Variants in CEP68 observed in about 807,000 individuals in gnomAD.
The protein encoded by CEP68 is centrosomal protein 68, also known as centrosomal protein of 68 kDa.
In CEP68, 26 loss-of-function variants were observed where a neutral mutation model predicts 55.3. The observed-to-expected ratio is 0.47, with a 90% confidence interval of 0.34 to 0.65. CEP68 has a LOEUF of 0.65. CEP68 is among the 30% of genes least tolerant of loss of function. CEP68 has a pLI of 0.01. For missense variants in CEP68, 957 were observed against 946.7 expected (o/e 1.01, Z -0.14); for synonymous variants, 402 against 383.2 (o/e 1.05, Z -0.57).
intron 1 of CEP68, among the ~76,000 whole-genome samples, chr2:65,063,412 C>T (rs1676006085): frequency 6.6e-6 from 1 of 152,260 alleles, no homozygotes; most frequent in Non-Finnish European, 1.5e-5. Flanking sequence ...CGACGGGGGC[C>T]TGTGCCCCAT....
intron 1 of CEP68, among the ~76,000 whole-genome samples, chr2:65,067,398 T>C (rs6546122): frequency 0.069 from 10,459 of 151,532 alleles, 480 homozygotes; most frequent in Non-Finnish European, 0.1. Flanking sequence ...GGAACAAAAG[T>C]GGGGGAAGGA....
At chr2:65,081,403 C>A (rs1041935614) in intron 5 of CEP68, among the ~76,000 whole-genome samples, 10 of 147,880 alleles carry the variant, frequency 6.8e-5, no homozygotes, top group Non-Finnish European at 8.9e-5. Flanking sequence ...TGTGTTCCTT[C>A]TCCTTCTACT....
chr2:65,066,745 A>AATATATAT (rs1553384179), intron 1 of CEP68, among the ~76,000 whole-genome samples: 69 of 58,390 alleles, frequency 1.2e-3, no homozygotes, highest in Middle Eastern at 0.017. Flanking sequence ...AAAAAAAAAA[A>AATATATAT]ATATATATAT....
At position 65,056,512 on chromosome 2, in the gene CEP68, C is replaced by G. The variant is rs1043275130; in HGVS notation, c.-63C>G. ...CTGAGACCGCTCCGGACGTGCGAAGCGTTCGCGGTGCGGTAGGTAGGCAGT... is the reference window on the plus strand; with the variant it reads ...CTGAGACCGCTCCGGACGTGCGAAGGGTTCGCGGTGCGGTAGGTAGGCAGT... On this transcript the variant is annotated 5_prime_UTR_variant, in exon 1 of 7. Transcript: ENST00000377990. The G allele has an allele frequency of 4.6e-5, 7 of 152,344 alleles. No individual in the cohort carries two copies. Among genetic ancestry groups the G allele is most frequent in the Admixed American group, 2.0e-4 (3 of 15,284 alleles). 9.4% of individuals were successfully genotyped at this position (152,344 alleles called of 1,614,324 possible). A position where few individuals can be genotyped will look rare whatever the true frequency, so the allele number is the denominator to read the frequency against.
chr2:65,066,124 G>T (rs1158605816), intron 1 of CEP68, among the ~76,000 whole-genome samples: 1 of 152,104 alleles, frequency 6.6e-6, no homozygotes, highest in African/African-American at 2.4e-5. Flanking sequence ...CCCACACTCA[G>T]ACCAGGACCA....
intron 1 of CEP68, 114 bp from the exon 2 acceptor site, chr2:65,069,285 T>C: frequency 1.7e-6 from 1 of 603,138 alleles, no homozygotes; most frequent in East Asian, 2.6e-5. Context: ...AGTCACCATT[T>C]GTTTCCTTTT....
chr2:65,074,630 C>A (rs751578882), intron 4 of CEP68: 14 of 574,852 alleles, frequency 2.4e-5, no homozygotes, highest in Non-Finnish European at 3.9e-5. Flanking sequence ...ATATTTATCT[C>A]AAATCAAAAA....
chr2:65,063,355 C>A (rs1193267542), intron 1 of CEP68, among the ~76,000 whole-genome samples: 1 of 152,250 alleles, frequency 6.6e-6, no homozygotes, highest in East Asian at 1.9e-4. Flanking sequence ...GCTCTGATGT[C>A]TCCTGTCATT....
intron 1 of CEP68, among the ~76,000 whole-genome samples, chr2:65,066,756 A>G (rs1270181671): frequency 1.9e-5 from 2 of 107,540 alleles, no homozygotes; most frequent in East Asian, 2.5e-4. Context: ...ATATATATAT[A>G]TATATATATA....
chr2:65,077,624 G>A (rs1403695782), intron 4 of CEP68, among the ~76,000 whole-genome samples: 1 of 152,218 alleles, frequency 6.6e-6, no homozygotes, highest in Non-Finnish European at 1.5e-5. Flanking sequence ...GCCAGCCTCT[G>A]TCAGGGAAGA....
chr2:65,059,197 G>A (rs1675796405), intron 1 of CEP68, among the ~76,000 whole-genome samples: 1 of 152,150 alleles, frequency 6.6e-6, no homozygotes, highest in African/African-American at 2.4e-5. Flanking sequence ...CCCAAGAAAT[G>A]TTCCTGTTGG....
At chr2:65,081,908 G>A (rs1320091763) in intron 5 of CEP68, among the ~76,000 whole-genome samples, 2 of 152,170 alleles carry the variant, frequency 1.3e-5, no homozygotes, top group Non-Finnish European at 2.9e-5. Context: ...TGTTGGTCAG[G>A]CTGGTCTCCA....
chr2:65,076,971 G>A (rs6732556), intron 4 of CEP68, among the ~76,000 whole-genome samples: 134,155 of 146,782 alleles, frequency 0.91, 61,535 homozygotes, highest in East Asian at 1. Flanking sequence ...CTTGCACTAA[G>A]GGTGGTCATG....
chr2:65,072,995 C>T lies in CEP68; in HGVS notation c.1884+15C>T, dbSNP rs779922346. The stretch of plus-strand genomic sequence containing the variant: ...AATGTGTGAAGGTAATGACACTCAA[C>T]GTTAGGAAGCTTTGTGTACAGGTGT... On this transcript the variant is annotated intron_variant, in intron 3 of 6. Coordinates refer to ENST00000377990, the MANE Select transcript of CEP68 (RefSeq NM_015147.3). The T allele has an allele frequency of 1.2e-4, 199 of 1,613,688 alleles. 2 individuals carry two copies. The East Asian group carries it at 1.8e-3, about 14-fold the overall frequency.
intron 3 of CEP68, 36 bp downstream of exon 3, chr2:65,073,016 G>T (rs1460687397): frequency 6.2e-7 from 1 of 1,608,562 alleles, no homozygotes; most frequent in South Asian, 1.1e-5. Flanking sequence ...TTTGTGTACA[G>T]GTGTCTTGTC....
Position 65,070,147 on chromosome 2 carries a change from G to A in CEP68, c.357+346G>A, listed in dbSNP as rs140495197. 2.8e-4 allele frequency among the ~76,000 whole-genome samples: 43 copies of A among 152,306 alleles called. No homozygotes were observed. The East Asian group carries it at 8.1e-3, about 29-fold the overall frequency. ...GACTTGGTGATTAAAGGCTTTAGGGGTACCCTGAAGAGACTTGGGAAAGGA... is the reference window on the plus strand; with the variant it reads ...GACTTGGTGATTAAAGGCTTTAGGGATACCCTGAAGAGACTTGGGAAAGGA... On this transcript the variant is annotated intron_variant, in intron 2 of 6. Coordinates refer to ENST00000377990, the MANE Select transcript of CEP68 (RefSeq NM_015147.3).
At chr2:65,081,409 C>T (rs1677010822) in intron 5 of CEP68, among the ~76,000 whole-genome samples, 1 of 145,686 alleles carries the variant, frequency 6.9e-6, no homozygotes, top group African/African-American at 2.5e-5. Context: ...CCTTCTCCTT[C>T]TACTCATCCA....
At chr2:65,069,903 G>A (rs1264922058) in intron 2 of CEP68, 102 bp downstream of exon 2, 4 of 1,088,048 alleles carry the variant, frequency 3.7e-6, no homozygotes, top group African/African-American at 3.1e-5. Context: ...TACTGTGCAG[G>A]GTGAGGAATT....
rs150680996 is a variant in CEP68 at position 65,072,418 on chromosome 2, G to A, written c.1322G>A (p.Arg441Gln). 65 of 1,614,016 alleles carry A rather than the reference G, an allele frequency of 4.0e-5. No homozygotes were observed. In the African/African-American group the frequency reaches 5.2e-4, roughly 13 times the overall value. The change falls in exon 3 of 7, where the codon CGG becomes CAG. Residue 441 changes from arginine to glutamine, a missense_variant. Arg to Gln is a conservative substitution (Grantham distance 43). Coordinates refer to ENST00000377990, the MANE Select transcript of CEP68 (RefSeq NM_015147.3). ...ATGGGCTCTCCCCAGCTAAGGACAC[G>A]GGACAGAGGGTGGCCCTCGCCCAGG... The part of the protein sequence containing the change: ...LDMGSPQLRT[R>Q]DRGWPSPRPE...
Sources: allele counts gnomAD v4.1 joint callset (sites outside exome capture counted in the v4.1 genomes callset), GRCh38; gene constraint gnomAD v4.1.1; transcripts MANE v1.5; gene names NCBI Gene and HGNC (gene_info 2026-07-23, HGNC 2026-07-21).